Variants in GLTP observed in about 807,000 individuals in gnomAD.
GLTP encodes the protein glycolipid transfer protein.
A neutral mutation model predicts 24.0 loss-of-function variants in GLTP; 22 were observed. The observed-to-expected ratio is 0.92, with a 90% confidence interval of 0.65 to 1.31. The LOEUF is 1.31. GLTP is among the 50% of genes most tolerant of loss of function. The pLI is 0.00. For missense variants in GLTP, 224 were observed against 276.6 expected, an observed-to-expected ratio of 0.81 and a Z score of 1.35; for synonymous variants, 92 against 115.9, an observed-to-expected ratio of 0.79 and a Z score of 1.33.
rs1278965505 is a variant in GLTP, at chr12:109,855,910, T to C, written c.297-141A>G. 1 of 599,420 alleles carries C rather than the reference T, an allele frequency of 1.7e-6. No individual in the cohort carries two copies. Among genetic ancestry groups the C allele is most frequent in the Non-Finnish European group, 2.8e-6 (1 of 358,414 alleles). The allele number at this position is 599,420 out of a possible 1,614,324, so 37.1% of individuals were successfully genotyped here. The stretch of plus-strand genomic sequence containing the variant: ...GGAGTGGTTATTCCCTAATCATCTT[T>C]CCCTTCTGCTTACAAGTAACGTGAC... On this transcript the variant is annotated intron_variant, in intron 3 of 4. Transcript: ENST00000318348. The surrounding 1 kb of genome is among the most constrained non-coding windows in gnomAD (Gnocchi z 4.1).
intron 1 of GLTP, among the ~76,000 whole-genome samples, chr12:109,868,056 C>T (rs998216666): frequency 3.3e-5 from 5 of 152,244 alleles, no homozygotes; most frequent in African/African-American, 9.6e-5. Context: ...GGATTACAGG[C>T]GTGAGCCACC....
chr12:109,870,834 A>G (rs1051179156), intron 1 of GLTP, among the ~76,000 whole-genome samples: 3 of 152,170 alleles, frequency 2.0e-5, no homozygotes, highest in African/African-American at 7.2e-5. Flanking sequence ...TTCTGAACAC[A>G]GGGGAAGTGT....
At position 109,852,565 on chromosome 12, in the gene GLTP, T is replaced by C. The variant is rs773190605; in HGVS notation, c.620A>G (p.Tyr207Cys). The stretch of plus-strand genomic sequence containing the variant: ...CAGCAGTGGGCATGCCTACACCTTG[T>C]AGTTAAGCTCAGCGTTCATCTGGGT... Reference protein sequence around the residue: ...MYTQMNAELNYKV With the variant: ...MYTQMNAELNCKV The change falls in exon 5 of 5, where the codon TAC (tyrosine) becomes TGC (cysteine). Residue 207 changes from tyrosine to cysteine, a missense_variant. Transcript: ENST00000318348. 6.2e-7 allele frequency: 1 copy of C among 1,605,622 alleles called. No homozygotes were observed. Among genetic ancestry groups the C allele is most frequent in the Non-Finnish European group, 8.5e-7 (1 of 1,172,854 alleles).
chr12:109,879,665 A>G (rs1384221951), intron 1 of GLTP, among the ~76,000 whole-genome samples: 1 of 151,834 alleles, frequency 6.6e-6, no homozygotes, highest in African/African-American at 2.4e-5. Context: ...GAATTTTGCA[A>G]CTCCATCTTC....
Position 109,858,701 on chromosome 12 carries a change from G to T in GLTP, c.144C>A (p.Asp48Glu), listed in dbSNP as rs771407800. The change falls in exon 2 of 5, where the codon GAC (aspartate) becomes GAA (glutamate). Residue 48 changes from aspartate (D) to glutamate (E), a missense_variant. By Grantham distance (45) the Asp-to-Glu change is conservative. Coordinates refer to ENST00000318348, the MANE Select transcript of GLTP (RefSeq NM_016433.4). ...GSPVFTPIKADISGNITKIKA... is the reference protein window; with the variant it reads ...GSPVFTPIKAEISGNITKIKA... Reference sequence around the variant, plus strand: ...TACATACCGTGATGTTGCCGCTTATGTCTGCCTTGATGGGAGTAAACACTG... The same window carrying T: ...TACATACCGTGATGTTGCCGCTTATTTCTGCCTTGATGGGAGTAAACACTG... The T allele has an allele frequency of 6.2e-7, 1 of 1,613,130 alleles. No homozygotes were observed.
At chr12:109,867,156 CT>C (rs910871072) in intron 1 of GLTP, among the ~76,000 whole-genome samples, 22 of 148,104 alleles carry the variant, frequency 1.5e-4, no homozygotes, top group Non-Finnish European at 2.4e-4. Flanking sequence ...ATTTATTATT[CT>C]TTTTTTTTTG....
rs56313678 is a variant in GLTP, at chr12:109,852,373, CAAAA to C, written c.*178_*181del. The C allele has an allele frequency of 5.0e-3, 1,424 of 283,042 alleles. No individual in the cohort carries two copies. The highest frequency in any genetic ancestry group is 8.3e-3 in the African/African-American group (298 of 35,860). 17.5% of individuals were successfully genotyped at this position (283,042 alleles called of 1,614,324 possible). ...TATTTACTGGTCCTTTAGAATAGAC[CAAAA>C]AAAAAAAAAAAAAAGACTTAAAAAA... On this transcript the variant is annotated 3_prime_UTR_variant, in exon 5 of 5. Coordinates refer to ENST00000318348, the MANE Select transcript of GLTP (RefSeq NM_016433.4).
In GLTP at chr12:109,872,317, G is replaced by A. The variant is rs549386058; in HGVS notation, c.103+7955C>T. Among the ~76,000 whole-genome samples, 4 of 152,262 alleles carry A rather than the reference G, an allele frequency of 2.6e-5. 1 individual carries two copies. In the South Asian group the frequency reaches 8.3e-4, roughly 32 times the overall value. ...TAGGAAGTGGGCCTTTTGCCACACA[G>A]CTGTTGGGAAACGGAGCTGCCAAAA... On this transcript the variant is annotated intron_variant, in intron 1 of 4. Coordinates refer to ENST00000318348, the MANE Select transcript of GLTP (RefSeq NM_016433.4).
chr12:109,851,995 G>A lies in GLTP; in HGVS notation c.*560C>T. 6.6e-6 allele frequency: 1 copy of A among 152,400 alleles called. No homozygotes were observed. Among genetic ancestry groups the A allele is most frequent in the Non-Finnish European group, 1.5e-5 (1 of 68,164 alleles). The allele number at this position is 152,400 out of a possible 1,614,324, so 9.4% of individuals were successfully genotyped here. A position where few individuals can be genotyped will look rare whatever the true frequency, so the allele number is the denominator to read the frequency against. ...CCTGAGTAGCTGGAACTACAGGCGT[G>A]CGCCACCATGCCCAGCTAATTTTTT... On this transcript the variant is annotated 3_prime_UTR_variant, in exon 5 of 5. Transcript: ENST00000318348.
chr12:109,877,043 A>T (rs760603893), intron 1 of GLTP, among the ~76,000 whole-genome samples: 9 of 152,168 alleles, frequency 5.9e-5, no homozygotes, highest in Non-Finnish European at 1.2e-4. Flanking sequence ...TGGTAGAGAC[A>T]GGGTTTCGCC....
chr12:109,870,601 A>G (rs1199091091), intron 1 of GLTP, among the ~76,000 whole-genome samples: 1 of 152,214 alleles, frequency 6.6e-6, no homozygotes, highest in Non-Finnish European at 1.5e-5. Flanking sequence ...TCCAGAAAAC[A>G]ATTATTCCAA....
intron 1 of GLTP, among the ~76,000 whole-genome samples, chr12:109,862,984 A>G (rs550414413): frequency 6.6e-6 from 1 of 151,870 alleles, no homozygotes; most frequent in Non-Finnish European, 1.5e-5. Context: ...CCCAGGAGGC[A>G]GAGGTTGCAG....
chr12:109,872,333 G>C (rs12230032), intron 1 of GLTP, among the ~76,000 whole-genome samples: 1 of 151,524 alleles, frequency 6.6e-6, no homozygotes, highest in African/African-American at 2.4e-5. Context: ...GGGAAACGGA[G>C]CTGCCAAAAA....
chr12:109,866,061 C>G (rs1341891290), intron 1 of GLTP, among the ~76,000 whole-genome samples: 2 of 152,046 alleles, frequency 1.3e-5, no homozygotes, highest in Non-Finnish European at 2.9e-5. Context: ...AGAAAAAAGG[C>G]TAATATCCCT....
intron 1 of GLTP, among the ~76,000 whole-genome samples, chr12:109,869,203 G>A (rs1202744313): frequency 6.7e-6 from 1 of 149,904 alleles, no homozygotes; most frequent in Non-Finnish European, 1.5e-5. Context: ...AGGAGGCTGA[G>A]GCAGGAGAAT....
In GLTP at chr12:109,880,394, G is replaced by A. The variant is rs1036993239; in HGVS notation, c.-20C>T. 2 of 1,434,324 alleles carry A rather than the reference G, an allele frequency of 1.4e-6. No homozygotes were observed. The highest frequency in any genetic ancestry group is 1.9e-6 in the Non-Finnish European group (2 of 1,062,878). 88.8% of individuals were successfully genotyped at this position (1,434,324 alleles called of 1,614,324 possible). On this transcript the variant is annotated 5_prime_UTR_variant, in exon 1 of 5. Coordinates refer to ENST00000318348, the MANE Select transcript of GLTP (RefSeq NM_016433.4). This position sits in a 1 kb window ranked among gnomAD's most constrained non-coding sequence, Gnocchi z 5.1. ...CGCCATTTCGGGGTCGAGGCCCGCGGTGATGCCCCAGCCGGCGCCGCGGGC... is the reference window on the plus strand; with the variant it reads ...CGCCATTTCGGGGTCGAGGCCCGCGATGATGCCCCAGCCGGCGCCGCGGGC...
chr12:109,856,598 G>A (rs566512954), intron 3 of GLTP, among the ~76,000 whole-genome samples: 15 of 152,254 alleles, frequency 9.9e-5, no homozygotes, highest in African/African-American at 3.6e-4. Context: ...TCCCACTGGG[G>A]TCCCCAGATG....
At chr12:109,864,522 C>G (rs1370583509) in intron 1 of GLTP, among the ~76,000 whole-genome samples, 1 of 152,178 alleles carries the variant, frequency 6.6e-6, no homozygotes, top group African/African-American at 2.4e-5. Context: ...TATGGTTGGG[C>G]TGAAGCCTGT....
At chr12:109,854,006 A>G (rs991252483) in intron 4 of GLTP, among the ~76,000 whole-genome samples, 1 of 150,412 alleles carries the variant, frequency 6.6e-6, no homozygotes, top group African/African-American at 2.4e-5. Context: ...TTGCCTCCCA[A>G]AGTGCTGGGA....
Sources: allele counts gnomAD v4.1 joint callset (sites outside exome capture counted in the v4.1 genomes callset), GRCh38; gene constraint gnomAD v4.1.1; non-coding constraint Gnocchi (gnomAD v3.1); transcripts MANE v1.5; gene names NCBI Gene and HGNC (gene_info 2026-07-23, HGNC 2026-07-21).